The following KSR2 variants were observed in gnomAD, a reference collection of about 807,000 sequenced individuals.
The protein encoded by KSR2 is kinase suppressor of ras 2.
A neutral mutation model predicts 107.8 loss-of-function variants in KSR2; 25 were observed. That is an observed-to-expected ratio of 0.23 (90% CI 0.17 to 0.32). The LOEUF (loss-of-function observed/expected upper bound fraction) is 0.32, where lower values mean the gene tolerates loss of function less well. KSR2 is among the 10% of genes least tolerant of loss of function. KSR2 has a pLI of 1.00. For synonymous variants in KSR2, 480 were observed against 507.0 expected (o/e 0.95, Z 0.71); for missense variants, 887 against 1,268.9 (o/e 0.70, Z 4.57).
chr12:117,796,366 C>T (rs1299435098), intron 3 of KSR2, among the ~76,000 whole-genome samples: 2 of 152,070 alleles, frequency 1.3e-5, no homozygotes, highest in Admixed American at 6.6e-5. Flanking sequence ...GAGGACTAAA[C>T]GAAATGATCT....
intron 1 of KSR2, among the ~76,000 whole-genome samples, chr12:117,863,159 G>T (rs918500061): frequency 6.6e-6 from 1 of 152,096 alleles, no homozygotes; most frequent in Non-Finnish European, 1.5e-5. Flanking sequence ...TGCAGGATGC[G>T]CATGTGACCC....
intron 3 of KSR2, among the ~76,000 whole-genome samples, chr12:117,793,372 C>T (rs553828076): frequency 0.011 from 1,631 of 147,702 alleles, 30 homozygotes; most frequent in African/African-American, 0.039. Flanking sequence ...CACCAACATG[C>T]ACACACACCA....
At chr12:117,523,284 C>T (rs919497972) in intron 14 of KSR2, among the ~76,000 whole-genome samples, 1 of 152,170 alleles carries the variant, frequency 6.6e-6, no homozygotes, top group Non-Finnish European at 1.5e-5. Flanking sequence ...CTGTTCTGGG[C>T]CTGGTAAGAT....
intron 5 of KSR2, among the ~76,000 whole-genome samples, chr12:117,641,191 G>T (rs1411667888): frequency 2.6e-5 from 4 of 152,246 alleles, no homozygotes; most frequent in Admixed American, 2.0e-4. Context: ...TCTGCCTTCA[G>T]GTTCAAGCCA....
At chr12:117,841,058 C>A (rs757918231) in intron 3 of KSR2, among the ~76,000 whole-genome samples, 3 of 151,690 alleles carry the variant, frequency 2.0e-5, no homozygotes, top group Non-Finnish European at 2.9e-5. Context: ...ATGGTCAATG[C>A]GGTGCTTTCT....
At chr12:117,912,529 T>G (rs569385394) in intron 1 of KSR2, among the ~76,000 whole-genome samples, 2 of 152,350 alleles carry the variant, frequency 1.3e-5, no homozygotes, top group East Asian at 3.9e-4. Flanking sequence ...TAAAGTTGTC[T>G]GAGAGTTTTG....
intron 5 of KSR2, among the ~76,000 whole-genome samples, chr12:117,619,653 T>TACTCACA: frequency 6.6e-6 from 1 of 151,286 alleles, no homozygotes; most frequent in Middle Eastern, 3.2e-3. Flanking sequence ...AGTGTTGTTA[T>TACTCACA]TAGTATTTTT....
chr12:117,519,194 C>G (rs907217004), intron 14 of KSR2, among the ~76,000 whole-genome samples: 43 of 152,188 alleles, frequency 2.8e-4, no homozygotes, highest in Non-Finnish European at 5.9e-5. Context: ...GATATTGGGT[C>G]ATTCTAGGCC....
intron 3 of KSR2, among the ~76,000 whole-genome samples, chr12:117,840,223 G>C (rs1404261493): frequency 1.3e-5 from 2 of 151,842 alleles, no homozygotes; most frequent in Non-Finnish European, 2.9e-5. Context: ...TCGACGCTCT[G>C]AGTAGCTGGA....
chr12:117,960,554 G>A (rs2137604569), intron 1 of KSR2, among the ~76,000 whole-genome samples: 1 of 152,218 alleles, frequency 6.6e-6, no homozygotes, highest in African/African-American at 2.4e-5. Context: ...ATGTGAGCAG[G>A]GCCATCTCGG....
intron 3 of KSR2, among the ~76,000 whole-genome samples, chr12:117,769,625 G>A (rs1889362247): frequency 6.6e-6 from 1 of 152,160 alleles, no homozygotes; most frequent in African/African-American, 2.4e-5. Flanking sequence ...TCATTCCCTA[G>A]CACACAGTCA....
At chr12:117,727,478 A>G (rs201798671) in intron 4 of KSR2, among the ~76,000 whole-genome samples, 4 of 135,724 alleles carry the variant, frequency 2.9e-5, no homozygotes, top group Non-Finnish European at 6.7e-5. Flanking sequence ...GAGAAAGAAG[A>G]AGGAGGAGGA....
rs1391500667 is a variant in KSR2 at position 117,848,836 on chromosome 12, T to TGATGGTGGTG, written c.472+6591_472+6592insCACCACCATC. Among the ~76,000 whole-genome samples, 201 of 87,746 alleles carry TGATGGTGGTG rather than the reference T, an allele frequency of 2.3e-3. 1 individual carries two copies. Among genetic ancestry groups the TGATGGTGGTG allele is most frequent in the Admixed American group, 0.016 (119 of 7,370 alleles). 57.6% of individuals were successfully genotyped at this position (87,746 alleles called of 152,430 possible). A position where few individuals can be genotyped will look rare whatever the true frequency, so the allele number is the denominator to read the frequency against. On this transcript the variant is annotated intron_variant, in intron 3 of 19. Coordinates refer to ENST00000339824, the MANE Select transcript of KSR2 (RefSeq NM_173598.6). ...TGGTGGTGGGTGGTGATGGTGGTAG[T>TGATGGTGGTG]GGTGGTGATGGTGATGATGGTGATG...
chr12:117,864,908 C>A (rs906415976), intron 1 of KSR2, among the ~76,000 whole-genome samples: 3 of 152,046 alleles, frequency 2.0e-5, no homozygotes, highest in Admixed American at 6.6e-5. Context: ...ACATTTGAAT[C>A]TTGAGGGATC....
chr12:117,692,082 C>A (rs1279942066), intron 4 of KSR2, among the ~76,000 whole-genome samples: 2 of 151,888 alleles, frequency 1.3e-5, no homozygotes, highest in Non-Finnish European at 2.9e-5. Context: ...GGGGAGGTTA[C>A]AAATATGGAT....
chr12:117,943,518 A>C (rs1334339324), intron 1 of KSR2, among the ~76,000 whole-genome samples: 2 of 148,514 alleles, frequency 1.3e-5, no homozygotes, highest in African/African-American at 2.4e-5. Context: ...AAAAAAAAAA[A>C]AAAAAAAAAC....
intron 6 of KSR2, among the ~76,000 whole-genome samples, chr12:117,579,633 A>G (rs988768789): frequency 4.1e-4 from 62 of 152,202 alleles, no homozygotes; most frequent in African/African-American, 1.4e-3. Flanking sequence ...GTAGAAAGCT[A>G]CAAAGCAAGG....
chr12:117,517,768 G>A (rs904860143), intron 14 of KSR2: 10 of 444,150 alleles, frequency 2.3e-5, no homozygotes, highest in South Asian at 8.2e-5. Context: ...AAAGGAAGCC[G>A]CTTCCACTCG....
intron 4 of KSR2, among the ~76,000 whole-genome samples, chr12:117,703,552 T>C (rs1023525943): frequency 4.6e-5 from 7 of 152,274 alleles, no homozygotes; most frequent in Non-Finnish European, 1.0e-4. Flanking sequence ...TTCATGACAC[T>C]GATCTCCTGG....
Sources: gnomAD v4.1 joint callset for allele counts (sites outside exome capture counted in the v4.1 genomes callset) on GRCh38, gnomAD v4.1.1 for gene constraint, MANE v1.5 for transcripts, NCBI Gene and HGNC (gene_info 2026-07-23, HGNC 2026-07-21) for gene names.